CEMIP: variants seen among roughly 807,000 people sequenced by gnomAD.
CEMIP encodes cell migration inducing hyaluronidase 1, also known as cell migration-inducing and hyaluronan-binding protein.
In CEMIP, 105 loss-of-function variants were observed where a neutral mutation model predicts 156.9. That is an observed-to-expected ratio of 0.67 (90% CI 0.57 to 0.79). The LOEUF is 0.79. Ranked by LOEUF, CEMIP falls within the 30% of genes least tolerant of loss-of-function variation. The pLI is 0.00. For missense variants in CEMIP, 1,457 were observed against 1,769.4 expected (o/e 0.82, Z 3.17); for synonymous variants, 676 against 668.4 (o/e 1.01, Z -0.17).
In CEMIP at chr15:80,942,018, G is replaced by A. The variant is rs758067945; in HGVS notation, c.3577G>A (p.Val1193Met). ...GTTCACCGAGAGGGCTGTCGTAGAC[G>A]TGCCGATGCCCAAGAAGCTCTTTGG... Reference protein sequence around the residue: ...PKFTERAVVDVPMPKKLFGSQ... With the variant: ...PKFTERAVVDMPMPKKLFGSQ... Residue 1193 changes from valine (V) to methionine (M), a missense_variant, in exon 26 of 30, where the codon GTG (valine) becomes ATG (methionine). Val to Met is a conservative substitution (Grantham distance 21). Around this residue, in one of 5 missense-constraint regions of CEMIP, gnomAD observed 798 missense variants for 980.1 expected, o/e 0.81. Coordinates refer to ENST00000394685, the MANE Select transcript of CEMIP (RefSeq NM_001293298.2). The A allele has an allele frequency of 1.1e-5, 18 of 1,613,526 alleles. No individual in the cohort carries two copies. The highest frequency in any genetic ancestry group is 4.5e-5 in the East Asian group (2 of 44,874).
Position 80,922,076 on chromosome 15 carries a change from G to C in CEMIP, c.2141G>C (p.Gly714Ala), listed in dbSNP as rs1900495505. 3 of 1,614,036 alleles carry C rather than the reference G, an allele frequency of 1.9e-6. No homozygotes were observed. Among genetic ancestry groups the C allele is most frequent in the Non-Finnish European group, 2.5e-6 (3 of 1,179,968 alleles). ...TGPSVGMYSP[G>A]YSEHIPLGKF... ...CCCTCCGTGGGAATGTACTCCCCAG[G>C]TTATTCAGAGCACATTCCACTGGGA... Residue 714 changes from glycine to alanine, a missense_variant, in exon 17 of 30, where the codon GGT (glycine) becomes GCT (alanine). Gly to Ala is a moderately conservative substitution (Grantham distance 60, BLOSUM62 0). Transcript: ENST00000394685.
chr15:80,924,718 T>C lies in CEMIP; in HGVS notation c.2288+12T>C, dbSNP rs757119255. On this transcript the variant is annotated intron_variant, in intron 18 of 29. Coordinates refer to ENST00000394685, the MANE Select transcript of CEMIP (RefSeq NM_001293298.2). ...ATCATCTCTGCCAGGTAATCAGCCA[T>C]TGGGAAGACACAGTCCACGGTGACC... 5.0e-6 allele frequency: 8 copies of C among 1,612,964 alleles called. No individual in the cohort carries two copies. The highest frequency in any genetic ancestry group is 6.8e-6 in the Non-Finnish European group (8 of 1,179,002).
At chr15:80,854,648 C>T (rs1897801842) in intron 1 of CEMIP, among the ~76,000 whole-genome samples, 1 of 152,186 alleles carries the variant, frequency 6.6e-6, no homozygotes, top group African/African-American at 2.4e-5. Flanking sequence ...CTTTCCTAAG[C>T]ATTTTGTATA....
chr15:80,833,710 C>A (rs1897208661), intron 1 of CEMIP, among the ~76,000 whole-genome samples: 1 of 150,616 alleles, frequency 6.6e-6, no homozygotes, highest in Non-Finnish European at 1.5e-5. Context: ...ACTCTGTCAC[C>A]CAGGCTGGAG....
chr15:80,885,685 C>T (rs138432917), intron 7 of CEMIP, among the ~76,000 whole-genome samples: 1,642 of 152,248 alleles, frequency 0.011, 40 homozygotes, highest in African/African-American at 0.038. Context: ...TTCTCTTTGC[C>T]TGGTCCTGCA....
intron 1 of CEMIP, among the ~76,000 whole-genome samples, chr15:80,863,269 G>A (rs1405972184): frequency 1.3e-5 from 2 of 152,202 alleles, no homozygotes; most frequent in African/African-American, 2.4e-5. Context: ...ACACCCACCT[G>A]TTTTGATAGA....
intron 28 of CEMIP, among the ~76,000 whole-genome samples, chr15:80,943,895 C>T (rs1489420699): frequency 6.6e-6 from 1 of 152,110 alleles, no homozygotes; most frequent in East Asian, 1.9e-4. Flanking sequence ...AACCTGTGTC[C>T]CCTCTCCTTA....
rs146487741 is a variant in CEMIP, at chr15:80,907,672, C to T, written c.1587+834C>T. Among the ~76,000 whole-genome samples, 94 of 152,274 alleles carry T rather than the reference C, an allele frequency of 6.2e-4. No individual in the cohort carries two copies. The Middle Eastern group carries it at 0.017, about 28-fold the overall frequency. ...ACATAGTGAGCTGCAGGGTTCTTAC[C>T]GCACAATATAGGAAAACGATACTAA... On this transcript the variant is annotated intron_variant, in intron 13 of 29. Coordinates refer to ENST00000394685, the MANE Select transcript of CEMIP (RefSeq NM_001293298.2).
chr15:80,909,044 G>A (rs1899928952), intron 13 of CEMIP, 53 bp from the exon 14 acceptor site: 2 of 1,558,070 alleles, frequency 1.3e-6, no homozygotes, highest in South Asian at 1.1e-5. Flanking sequence ...ACCAGCCAGG[G>A]AAATCACAAA....
chr15:80,837,393 G>A (rs553092602), intron 1 of CEMIP, among the ~76,000 whole-genome samples: 3 of 152,320 alleles, frequency 2.0e-5, no homozygotes, highest in East Asian at 3.9e-4. Context: ...TGGAAGAGGA[G>A]TTCAAAATGA....
intron 28 of CEMIP, among the ~76,000 whole-genome samples, chr15:80,944,763 C>A (rs1005688194): frequency 6.6e-6 from 1 of 152,142 alleles, no homozygotes; most frequent in African/African-American, 2.4e-5. Flanking sequence ...GAGATCATGA[C>A]GTTTTGGGCA....
chr15:80,809,109 A>T (rs999380062), intron 1 of CEMIP, among the ~76,000 whole-genome samples: 13 of 152,240 alleles, frequency 8.5e-5, no homozygotes, highest in African/African-American at 3.1e-4. Context: ...TGAAAGATTT[A>T]AAAATGGGTA....
intron 1 of CEMIP, among the ~76,000 whole-genome samples, chr15:80,809,973 C>T (rs1488343873): frequency 2.0e-5 from 3 of 152,130 alleles, no homozygotes; most frequent in Admixed American, 2.0e-4. Context: ...GAATAATATC[C>T]GTATCTTAAA....
chr15:80,895,672 A>G (rs1899194853), intron 11 of CEMIP, among the ~76,000 whole-genome samples, 197 bp from the exon 12 acceptor site: 1 of 152,188 alleles, frequency 6.6e-6, no homozygotes, highest in African/African-American at 2.4e-5. Flanking sequence ...GAGCTAATGA[A>G]TGGCTCTTTT....
intron 1 of CEMIP, among the ~76,000 whole-genome samples, chr15:80,780,836 G>C (rs1413555230): frequency 6.6e-6 from 1 of 152,184 alleles, no homozygotes; most frequent in Non-Finnish European, 1.5e-5. Context: ...CTGGGTCTCC[G>C]GGGAAGTCGT....
At chr15:80,890,088 T>C (rs1243846053) in intron 10 of CEMIP, among the ~76,000 whole-genome samples, 4 of 152,232 alleles carry the variant, frequency 2.6e-5, no homozygotes, top group Non-Finnish European at 5.9e-5. Context: ...GAAGGGGACC[T>C]TGATGTTCTC....
intron 1 of CEMIP, among the ~76,000 whole-genome samples, chr15:80,811,733 T>C (rs1296842540): frequency 2.0e-5 from 3 of 152,136 alleles, no homozygotes; most frequent in Non-Finnish European, 4.4e-5. Context: ...GTTTTCTATG[T>C]CTTCGTAGAG....
Position 80,906,978 on chromosome 15 carries a change from G to T in CEMIP, c.1587+140G>T. 4.5e-6 allele frequency: 4 copies of T among 883,218 alleles called. No individual in the cohort carries two copies. The highest frequency in any genetic ancestry group is 7.2e-6 in the Non-Finnish European group (4 of 553,152). 54.7% of individuals were successfully genotyped at this position (883,218 alleles called of 1,614,324 possible). A position where few individuals can be genotyped will look rare whatever the true frequency, so the allele number is the denominator to read the frequency against. On this transcript the variant is annotated intron_variant, in intron 13 of 29. Transcript: ENST00000394685. This position sits in a 1 kb window ranked among gnomAD's most constrained non-coding sequence, Gnocchi z 4.3. ...AGGGGAGGGCGCCTTCTGGAAGTTT[G>T]AGAAGTCTTATGTATTATCCATTAG...
intron 19 of CEMIP, among the ~76,000 whole-genome samples, chr15:80,927,488 G>A (rs778570938): frequency 1.1e-4 from 16 of 152,242 alleles, no homozygotes; most frequent in Non-Finnish European, 1.5e-4. Context: ...TCCTAAGTTC[G>A]GTAAATCTCT....
Sources: allele counts gnomAD v4.1 joint callset (sites outside exome capture counted in the v4.1 genomes callset), GRCh38; gene constraint gnomAD v4.1.1; regional missense constraint gnomAD v4.1.1; non-coding constraint Gnocchi (gnomAD v3.1); transcripts MANE v1.5; gene names NCBI Gene and HGNC (gene_info 2026-07-23, HGNC 2026-07-21).